OSBPL10: variants seen among roughly 807,000 people sequenced by gnomAD.
The protein encoded by OSBPL10 is oxysterol-binding protein-related protein 10.
OSBPL10 carries 49 observed loss-of-function variants against 81.7 expected under a neutral mutation model. The ratio of observed to expected loss-of-function variants is 0.60; its 90% CI spans 0.48 to 0.76. OSBPL10 has a LOEUF of 0.76. Ranked by LOEUF, OSBPL10 falls within the 30% of genes least tolerant of loss-of-function variation. The pLI is 0.00. For synonymous variants in OSBPL10, 419 were observed against 383.6 expected, an observed-to-expected ratio of 1.09 and a Z score of -1.08; for missense variants, 923 against 987.8, an observed-to-expected ratio of 0.93 and a Z score of 0.88.
intron 5 of OSBPL10, among the ~76,000 whole-genome samples, chr3:31,747,487 T>TAAAAAAAAAAAAA (rs61150758): frequency 1.0e-5 from 1 of 98,486 alleles, no homozygotes; most frequent in Non-Finnish European, 2.0e-5. Context: ...AATCTTCAAA[T>TAAAAAAAAAAAAA]AAAAAAAAAA....
chr3:32,027,957 A>G (rs114774350), intron 2 of OSBPL10, among the ~76,000 whole-genome samples: 1,617 of 152,348 alleles, frequency 0.011, 36 homozygotes, highest in African/African-American at 0.036. Context: ...ACTGTCTCCA[A>G]TACATTCACT....
intron 8 of OSBPL10, among the ~76,000 whole-genome samples, chr3:31,680,141 G>A (rs532211171): frequency 1.3e-5 from 2 of 152,264 alleles, no homozygotes; most frequent in African/African-American, 4.8e-5. Context: ...TCAGAAAAGA[G>A]GCCGGTGAGG....
At chr3:32,018,711 G>A (rs933989205) in intron 2 of OSBPL10, among the ~76,000 whole-genome samples, 2 of 151,976 alleles carry the variant, frequency 1.3e-5, no homozygotes, top group Non-Finnish European at 1.5e-5. Flanking sequence ...TCTGTCCTAA[G>A]GAAAAAAATG....
At chr3:31,816,825 T>C (rs1357080178) in intron 4 of OSBPL10, among the ~76,000 whole-genome samples, 1 of 152,140 alleles carries the variant, frequency 6.6e-6, no homozygotes, top group African/African-American at 2.4e-5. Context: ...AGTTCAGTTC[T>C]CTGCAGAGAG....
chr3:31,911,323 T>C (rs904192723), intron 1 of OSBPL10, among the ~76,000 whole-genome samples: 8 of 152,144 alleles, frequency 5.3e-5, no homozygotes, highest in African/African-American at 1.9e-4. Context: ...CGAAACTTTA[T>C]GTATAAAGAA....
chr3:31,710,252 C>T (rs528886531), intron 6 of OSBPL10, among the ~76,000 whole-genome samples: 1 of 150,342 alleles, frequency 6.7e-6, no homozygotes, highest in Non-Finnish European at 1.5e-5. Flanking sequence ...CAAGGCAAAG[C>T]GTGTAAAGCA....
chr3:32,026,558 C>A (rs1404460650), intron 2 of OSBPL10, among the ~76,000 whole-genome samples: 1 of 152,136 alleles, frequency 6.6e-6, no homozygotes, highest in Non-Finnish European at 1.5e-5. Flanking sequence ...TCTAAAAAAA[C>A]CCTAAATGTA....
intron 4 of OSBPL10, among the ~76,000 whole-genome samples, chr3:31,750,298 C>T (rs1559448131): frequency 6.6e-6 from 1 of 152,182 alleles, no homozygotes; most frequent in Non-Finnish European, 1.5e-5. Flanking sequence ...TTGTAATTTC[C>T]TTATTATATT....
At chr3:31,826,595 G>A (rs1426368878) in intron 4 of OSBPL10, among the ~76,000 whole-genome samples, 1 of 152,154 alleles carries the variant, frequency 6.6e-6, no homozygotes, top group Non-Finnish European at 1.5e-5. Context: ...TGTGTATGAT[G>A]ATTTTCTCCA....
intron 3 of OSBPL10, among the ~76,000 whole-genome samples, chr3:31,873,963 C>A (rs1424081381): frequency 3.3e-5 from 5 of 152,160 alleles, no homozygotes; most frequent in Admixed American, 6.5e-5. Flanking sequence ...GCACTTTCAT[C>A]TCCATTTCTC....
intron 4 of OSBPL10, among the ~76,000 whole-genome samples, chr3:31,790,412 C>T (rs1553625965): frequency 6.6e-6 from 1 of 152,162 alleles, no homozygotes; most frequent in Non-Finnish European, 1.5e-5. Flanking sequence ...AGTATGCGCT[C>T]AAGAAGAAAT....
At chr3:31,975,159 C>A (rs371472865) in intron 1 of OSBPL10, among the ~76,000 whole-genome samples, 1 of 152,110 alleles carries the variant, frequency 6.6e-6, no homozygotes, top group Admixed American at 6.5e-5. Context: ...AGTGAATAAA[C>A]AATATTATAC....
chr3:31,759,916 C>A (rs1697983781), intron 4 of OSBPL10, among the ~76,000 whole-genome samples: 1 of 152,010 alleles, frequency 6.6e-6, no homozygotes, highest in Non-Finnish European at 1.5e-5. Flanking sequence ...TACACCACAA[C>A]ACCTGGCTAA....
intron 3 of OSBPL10, among the ~76,000 whole-genome samples, chr3:31,861,821 C>G (rs12632742): frequency 0.09 from 13,670 of 152,176 alleles, 1,458 homozygotes; most frequent in African/African-American, 0.25. Flanking sequence ...CTCAGTGGTA[C>G]TTGGCCAGTA....
chr3:31,891,213 A>G (rs1172835926), intron 1 of OSBPL10, among the ~76,000 whole-genome samples: 2 of 152,194 alleles, frequency 1.3e-5, no homozygotes, highest in Admixed American at 1.3e-4. Flanking sequence ...ATTATGCCCT[A>G]GGCCAGGGGT....
At chr3:32,013,365 A>G (rs1474716595) in intron 2 of OSBPL10, among the ~76,000 whole-genome samples, 1 of 152,250 alleles carries the variant, frequency 6.6e-6, no homozygotes. Context: ...AACGAAATGA[A>G]GGCAGAAATA....
chr3:31,728,504 A>T (rs1696877215), intron 6 of OSBPL10, among the ~76,000 whole-genome samples: 1 of 152,228 alleles, frequency 6.6e-6, no homozygotes, highest in Admixed American at 6.5e-5. Flanking sequence ...AGAAATTTAA[A>T]GTTATCAAAT....
intron 2 of OSBPL10, among the ~76,000 whole-genome samples, chr3:31,987,362 G>A (rs1260029740): frequency 1.3e-5 from 2 of 152,142 alleles, no homozygotes; most frequent in African/African-American, 4.8e-5. Context: ...TTCCACTACT[G>A]ATGAACACTC....
intron 6 of OSBPL10, among the ~76,000 whole-genome samples, chr3:31,705,959 T>C (rs1226282965): frequency 1.3e-5 from 2 of 152,004 alleles, no homozygotes; most frequent in Non-Finnish European, 2.9e-5. Context: ...TTTTTGCAAA[T>C]GAGCCAGCCC....
Sources: gnomAD v4.1 joint callset for allele counts (sites outside exome capture counted in the v4.1 genomes callset) on GRCh38, gnomAD v4.1.1 for gene constraint, MANE v1.5 for transcripts, NCBI Gene and HGNC (gene_info 2026-07-23, HGNC 2026-07-21) for gene names.